WNT3: variants seen among roughly 807,000 people sequenced by gnomAD.
The protein encoded by WNT3 is Wnt family member 3, also known as proto-oncogene Wnt-3.
WNT3 carries 7 observed loss-of-function variants against 34.2 expected under a neutral mutation model. The observed-to-expected ratio is 0.20, with a 90% CI of 0.12 to 0.38. The LOEUF (loss-of-function observed/expected upper bound fraction) is 0.38, where lower values mean the gene tolerates loss of function less well. WNT3 is among the 10% of genes least tolerant of loss of function. The probability of loss-of-function intolerance (pLI) is 1.00; values close to 1 mark genes in which losing one functional copy is unlikely to be tolerated. For synonymous variants in WNT3, 212 were observed against 211.5 expected, an observed-to-expected ratio of 1.00 and a Z score of -0.02; for missense variants, 267 against 499.8, an observed-to-expected ratio of 0.53 and a Z score of 4.44.
In WNT3 at chr17:46,814,135, TCC is replaced by T. The variant is rs542693804; in HGVS notation, c.80+4381_80+4382del. 4.2e-3 allele frequency among the ~76,000 whole-genome samples: 636 copies of T among 152,212 alleles called. 3 individuals are homozygous for T. Among genetic ancestry groups the T allele is most frequent in the Non-Finnish European group, 7.5e-3 (507 of 67,984 alleles). On this transcript the variant is annotated intron_variant, in intron 1 of 4. Coordinates refer to ENST00000225512, the MANE Select transcript of WNT3 (RefSeq NM_030753.5). ...ACATCACAGACCCAAGCCCTCAGGA[TCC>T]CTGGGGTGGAGGTGGGGGTGATACT...
intron 1 of WNT3, among the ~76,000 whole-genome samples, chr17:46,783,630 G>A (rs2059479916): frequency 6.6e-6 from 1 of 152,216 alleles, no homozygotes; most frequent in East Asian, 1.9e-4. Flanking sequence ...CTGGGCCAGA[G>A]GGTGCACGGT....
chr17:46,770,134 G>A (rs973548275), intron 2 of WNT3, 86 bp from the exon 3 acceptor site: 1 of 1,451,358 alleles, frequency 6.9e-7, no homozygotes, highest in Admixed American at 2.4e-5. Flanking sequence ...AGGACGTGAG[G>A]GGAACGAGGC....
At chr17:46,764,822 A>C (rs925753037) in intron 4 of WNT3, among the ~76,000 whole-genome samples, 4 of 152,204 alleles carry the variant, frequency 2.6e-5, no homozygotes, top group African/African-American at 9.7e-5. Flanking sequence ...TCACAGGAGC[A>C]GTAAGGCTTT....
intron 1 of WNT3, among the ~76,000 whole-genome samples, chr17:46,777,633 T>C (rs780784257): frequency 2.0e-5 from 3 of 152,238 alleles, no homozygotes; most frequent in African/African-American, 7.2e-5. Flanking sequence ...ATGACAACTA[T>C]TTATGTAGCA....
chr17:46,785,877 G>C (rs982500663), intron 1 of WNT3, among the ~76,000 whole-genome samples: 1 of 152,220 alleles, frequency 6.6e-6, no homozygotes, highest in African/African-American at 2.4e-5. Context: ...GGGCGGGGCA[G>C]TGCCTGGGCT....
chr17:46,791,938 A>AT (rs1307592056), intron 1 of WNT3, among the ~76,000 whole-genome samples: 1 of 152,094 alleles, frequency 6.6e-6, no homozygotes, highest in Admixed American at 6.5e-5. Context: ...TACTGGGGAG[A>AT]CTGAGGCGGG....
Position 46,768,705 on chromosome 17 carries a change from C to T in WNT3, c.683G>A (p.Arg228His), listed in dbSNP as rs780448017. Residue 228 changes from arginine (R) to histidine (H), a missense_variant, in exon 4 of 5, where the codon CGT (arginine) becomes CAT (histidine). This residue lies in a region of WNT3 where 181 missense variants were observed against 391.3 expected (regional missense o/e 0.46). Transcript: ENST00000225512. This position sits in a 1 kb window ranked among gnomAD's most constrained non-coding sequence, Gnocchi z 5.0. ...GTCCTTGAGGAAGTCACCGATGGCA[C>T]GGAAGTCAGGCTGCGCCCACCAGCA... ...KTCWWAQPDFRAIGDFLKDKY... is the reference protein window; with the variant it reads ...KTCWWAQPDFHAIGDFLKDKY... 11 of 1,613,988 alleles carry T rather than the reference C, an allele frequency of 6.8e-6. No individual in the cohort carries two copies. The highest frequency in any genetic ancestry group is 8.5e-6 in the Non-Finnish European group (10 of 1,180,046).
At chr17:46,815,169 C>A (rs1478924261) in intron 1 of WNT3, among the ~76,000 whole-genome samples, 3 of 152,140 alleles carry the variant, frequency 2.0e-5, no homozygotes, top group Non-Finnish European at 4.4e-5. Flanking sequence ...TTCATCCCCC[C>A]ACCCCAGCGC....
Position 46,768,282 on chromosome 17 carries a change from C to CA in WNT3, c.*8+29dup, listed in dbSNP as rs771566334. ...ACCCCATTCCCTGCGCCCAGGCTCCCAGCCTCCCCCCTGCTTCCCGGAGCC... is the reference window on the plus strand; with the variant it reads ...ACCCCATTCCCTGCGCCCAGGCTCCCAAGCCTCCCCCCTGCTTCCCGGAGCC... On this transcript the variant is annotated intron_variant, in intron 4 of 4. Transcript: ENST00000225512. This position sits in a 1 kb window ranked among gnomAD's most constrained non-coding sequence, Gnocchi z 5.0. The CA allele has an allele frequency of 6.2e-7, 1 of 1,612,250 alleles. No individual in the cohort carries two copies. The highest frequency in any genetic ancestry group is 8.5e-7 in the Non-Finnish European group (1 of 1,180,000).
chr17:46,816,694 T>C (rs999100098), intron 1 of WNT3, among the ~76,000 whole-genome samples: 1 of 152,172 alleles, frequency 6.6e-6, no homozygotes, highest in Admixed American at 6.5e-5. Flanking sequence ...CACCAGAATC[T>C]ACACCAACTG....
Position 46,763,815 on chromosome 17 carries a change from C to G in WNT3, c.*815G>C, listed in dbSNP as rs1020922598. ...CTTGCCCCCTTACATAGCCTATTTA[C>G]AAGGTCCACTACCACCAAAAAAAAA... On this transcript the variant is annotated 3_prime_UTR_variant, in exon 5 of 5. Transcript: ENST00000225512. 8.4e-6 allele frequency: 1 copy of G among 118,888 alleles called. No homozygotes were observed. Among genetic ancestry groups the G allele is most frequent in the African/African-American group, 3.3e-5 (1 of 30,008 alleles). 7.4% of individuals were successfully genotyped at this position (118,888 alleles called of 1,614,324 possible).
intron 1 of WNT3, among the ~76,000 whole-genome samples, chr17:46,816,379 TC>T (rs2146475271): frequency 6.6e-6 from 1 of 151,360 alleles, no homozygotes; most frequent in African/African-American, 2.4e-5. Context: ...CGATTTCACA[TC>T]CATAGTAGCC....
rs909130543 is a variant in WNT3 at position 46,762,977 on chromosome 17, T to A, written c.*1653A>T. On this transcript the variant is annotated 3_prime_UTR_variant, in exon 5 of 5. Coordinates refer to ENST00000225512, the MANE Select transcript of WNT3 (RefSeq NM_030753.5). ...GTTGACATGATTTAAAACTTTTCAG[T>A]CTAAGGTGAGATGGGGAGGGGCATT... 1 of 152,140 alleles carries A rather than the reference T, an allele frequency of 6.6e-6. No homozygotes were observed. Among genetic ancestry groups the A allele is most frequent in the African/African-American group, 2.4e-5 (1 of 41,412 alleles). 9.4% of individuals were successfully genotyped at this position (152,140 alleles called of 1,614,324 possible). A position where few individuals can be genotyped will look rare whatever the true frequency, so the allele number is the denominator to read the frequency against.
At chr17:46,818,013 C>G (rs951618808) in intron 1 of WNT3, among the ~76,000 whole-genome samples, 11 of 152,164 alleles carry the variant, frequency 7.2e-5, no homozygotes, top group African/African-American at 2.2e-4. Context: ...AGCCCTGAAG[C>G]CTTTGGGGTC....
chr17:46,768,934 G>A lies in WNT3; in HGVS notation c.589-135C>T. 7.4e-7 allele frequency: 1 copy of A among 1,355,100 alleles called. No individual in the cohort carries two copies. The highest frequency in any genetic ancestry group is 9.9e-7 in the Non-Finnish European group (1 of 1,013,082). The allele number at this position is 1,355,100 out of a possible 1,614,324, so 83.9% of individuals were successfully genotyped here. ...CTCTGTGACAGGAAGAGAACTGATGGGGACTGAGGCAAGACCTAAAGAATA... is the reference window on the plus strand; with the variant it reads ...CTCTGTGACAGGAAGAGAACTGATGAGGACTGAGGCAAGACCTAAAGAATA... On this transcript the variant is annotated intron_variant, in intron 3 of 4. Transcript: ENST00000225512. This position sits in a 1 kb window ranked among gnomAD's most constrained non-coding sequence, Gnocchi z 5.0.
chr17:46,804,307 G>A (rs1232625041), intron 1 of WNT3, among the ~76,000 whole-genome samples: 4 of 152,102 alleles, frequency 2.6e-5, no homozygotes, highest in South Asian at 2.1e-4. Flanking sequence ...AGGCTGGTTC[G>A]AACTCCTGAC....
At chr17:46,809,513 G>T (rs1309248504) in intron 1 of WNT3, among the ~76,000 whole-genome samples, 1 of 152,296 alleles carries the variant, frequency 6.6e-6, no homozygotes, top group African/African-American at 2.4e-5. Flanking sequence ...AGTTTTTCCA[G>T]CCGAGCTGGA....
chr17:46,767,791 G>C (rs1197988060), intron 4 of WNT3, among the ~76,000 whole-genome samples: 1 of 151,758 alleles, frequency 6.6e-6, no homozygotes, highest in East Asian at 1.9e-4. Context: ...TTGTTTGTTT[G>C]TTTGTTTGTT....
At chr17:46,789,289 T>C (rs2083948943) in intron 1 of WNT3, among the ~76,000 whole-genome samples, 1 of 152,146 alleles carries the variant, frequency 6.6e-6, no homozygotes, top group Admixed American at 6.5e-5. Context: ...TCTTATTCTA[T>C]GCTCTTCAGA....
Sources: allele counts gnomAD v4.1 joint callset (sites outside exome capture counted in the v4.1 genomes callset), GRCh38; gene constraint gnomAD v4.1.1; regional missense constraint gnomAD v4.1.1; non-coding constraint Gnocchi (gnomAD v3.1); transcripts MANE v1.5; gene names NCBI Gene and HGNC (gene_info 2026-07-23, HGNC 2026-07-21).